Variants in CNTNAP2 observed in about 807,000 individuals in gnomAD.
The protein encoded by CNTNAP2 is contactin associated protein 2.
A neutral mutation model predicts 155.2 loss-of-function variants in CNTNAP2; 98 were observed. That is an observed-to-expected ratio of 0.63 (90% CI 0.54 to 0.75). The LOEUF (loss-of-function observed/expected upper bound fraction) is 0.75. CNTNAP2 is among the 30% of genes least tolerant of loss of function. The pLI is 0.00. For missense variants in CNTNAP2, 1,727 were observed against 1,688.1 expected (o/e 1.02, Z -0.40); for synonymous variants, 651 against 631.2 (o/e 1.03, Z -0.47).
chr7:147,550,109 T>A (rs1229698795), intron 11 of CNTNAP2, among the ~76,000 whole-genome samples: 3 of 152,142 alleles, frequency 2.0e-5, no homozygotes, highest in Non-Finnish European at 2.9e-5. Flanking sequence ...TTTAACAACA[T>A]AAATGCCTTG....
At chr7:146,304,029 CT>C (rs1209645846) in intron 1 of CNTNAP2, among the ~76,000 whole-genome samples, 1 of 149,908 alleles carries the variant, frequency 6.7e-6, no homozygotes, top group Non-Finnish European at 1.5e-5. Flanking sequence ...TAATGGTCTT[CT>C]TTGTCTCTTT....
intron 20 of CNTNAP2, among the ~76,000 whole-genome samples, chr7:148,250,999 C>A (rs1361660850): frequency 6.6e-6 from 1 of 152,190 alleles, no homozygotes; most frequent in East Asian, 1.9e-4. Context: ...AGGTGTGCAC[C>A]ACCATGCTCA....
intron 14 of CNTNAP2, among the ~76,000 whole-genome samples, chr7:147,947,710 G>A (rs1488658641): frequency 4.6e-5 from 7 of 152,112 alleles, no homozygotes; most frequent in Non-Finnish European, 1.0e-4. Flanking sequence ...TGGGGCTTGG[G>A]AGGGAACACT....
At chr7:147,949,199 TA>T (rs980635514) in intron 14 of CNTNAP2, among the ~76,000 whole-genome samples, 9 of 148,588 alleles carry the variant, frequency 6.1e-5, no homozygotes, top group African/African-American at 1.7e-4. Flanking sequence ...AAACTCCGTC[TA>T]AAAAAAAAGA....
intron 1 of CNTNAP2, among the ~76,000 whole-genome samples, chr7:146,394,159 C>T (rs553777343): frequency 4.9e-4 from 74 of 152,086 alleles, no homozygotes; most frequent in African/African-American, 1.7e-3. Context: ...TTGCCATGGG[C>T]ATTATTTAGG....
Position 147,743,957 on chromosome 7 carries a change from G to C in CNTNAP2, c.2098+104651G>C, listed in dbSNP as rs146427992. Among the ~76,000 whole-genome samples, 633 of 152,196 alleles carry C rather than the reference G, an allele frequency of 4.2e-3. 4 individuals carry two copies. Among genetic ancestry groups the C allele is most frequent in the Non-Finnish European group, 6.5e-3 (441 of 68,020 alleles). On this transcript the variant is annotated intron_variant, in intron 13 of 23. Transcript: ENST00000361727. ...TCTGCCTTATTACCTGTGTGACCTT[G>C]GGCAAGTTATGTAATCTCTCCAACT...
At chr7:147,304,403 C>G (rs1451569346) in intron 9 of CNTNAP2, among the ~76,000 whole-genome samples, 1 of 152,096 alleles carries the variant, frequency 6.6e-6, no homozygotes, top group Non-Finnish European at 1.5e-5. Flanking sequence ...TGACTGTTTA[C>G]GTGGTAATAA....
chr7:147,168,062 CATAT>C (rs376620922), intron 8 of CNTNAP2, among the ~76,000 whole-genome samples: 1 of 147,548 alleles, frequency 6.8e-6, no homozygotes, highest in Non-Finnish European at 1.5e-5. Flanking sequence ...TGTATATAAA[CATAT>C]ATATATTTAT....
At chr7:146,273,949 A>G (rs761834970) in intron 1 of CNTNAP2, among the ~76,000 whole-genome samples, 7 of 152,098 alleles carry the variant, frequency 4.6e-5, no homozygotes, top group Non-Finnish European at 7.4e-5. Context: ...CAAATCAGAA[A>G]ATGTTAGTTC....
chr7:148,236,464 G>T (rs1256649809), intron 20 of CNTNAP2, among the ~76,000 whole-genome samples: 2 of 152,124 alleles, frequency 1.3e-5, no homozygotes, highest in Non-Finnish European at 2.9e-5. Flanking sequence ...TTGGGAACTG[G>T]TCAATTCTTT....
At chr7:146,306,982 G>T (rs1487865927) in intron 1 of CNTNAP2, among the ~76,000 whole-genome samples, 2 of 152,142 alleles carry the variant, frequency 1.3e-5, no homozygotes, top group African/African-American at 4.8e-5. Context: ...TCTGGCCAGG[G>T]CAATCAGGCA....
chr7:147,767,188 A>G (rs1440342322), intron 13 of CNTNAP2, among the ~76,000 whole-genome samples: 1 of 152,114 alleles, frequency 6.6e-6, no homozygotes, highest in Non-Finnish European at 1.5e-5. Context: ...TTTGTAAAGT[A>G]CAATATGTAA....
chr7:147,603,518 A>T (rs930455204), intron 12 of CNTNAP2, among the ~76,000 whole-genome samples: 2 of 152,000 alleles, frequency 1.3e-5, no homozygotes, highest in Admixed American at 6.6e-5. Context: ...TTACAAGGGA[A>T]GTGAAGGACC....
At chr7:147,392,654 A>G (rs2116446773) in intron 9 of CNTNAP2, among the ~76,000 whole-genome samples, 1 of 152,168 alleles carries the variant, frequency 6.6e-6, no homozygotes, top group East Asian at 1.9e-4. Context: ...AATAGTCTCT[A>G]GTCCCATCTG....
intron 13 of CNTNAP2, among the ~76,000 whole-genome samples, chr7:147,728,329 G>T (rs968855849): frequency 5.9e-5 from 9 of 152,134 alleles, no homozygotes; most frequent in Non-Finnish European, 7.4e-5. Flanking sequence ...AAGTTGTCAG[G>T]CTACTGACCA....
At chr7:147,400,544 G>A (rs185800546) in intron 10 of CNTNAP2, among the ~76,000 whole-genome samples, 9 of 152,230 alleles carry the variant, frequency 5.9e-5, no homozygotes, top group African/African-American at 2.2e-4. Context: ...GTGAGTAATA[G>A]TGAAGTCCAT....
chr7:147,939,322 T>C (rs541018835), intron 14 of CNTNAP2, among the ~76,000 whole-genome samples: 141 of 151,102 alleles, frequency 9.3e-4, no homozygotes, highest in Admixed American at 1.9e-3. Flanking sequence ...TGACTATTCA[T>C]GTAGGATTTT....
intron 3 of CNTNAP2, among the ~76,000 whole-genome samples, chr7:146,959,176 C>A (rs989918332): frequency 2.0e-5 from 3 of 152,090 alleles, no homozygotes; most frequent in African/African-American, 4.8e-5. Context: ...CCCACCACCA[C>A]GCCTGGCTAA....
intron 2 of CNTNAP2, among the ~76,000 whole-genome samples, chr7:146,831,823 G>A (rs1341614091): frequency 6.6e-6 from 1 of 151,906 alleles, no homozygotes; most frequent in Non-Finnish European, 1.5e-5. Context: ...GGTAGAAATG[G>A]GTGACAAACA....
Sources: gnomAD v4.1 joint callset for allele counts (sites outside exome capture counted in the v4.1 genomes callset) on GRCh38, gnomAD v4.1.1 for gene constraint, MANE v1.5 for transcripts, NCBI Gene and HGNC (gene_info 2026-07-23, HGNC 2026-07-21) for gene names.